The following KLHL1 variants were observed in gnomAD, a reference collection of about 807,000 sequenced individuals.
KLHL1 encodes kelch like family member 1.
KLHL1 carries 47 observed loss-of-function variants against 77.7 expected under a neutral mutation model. The ratio of observed to expected loss-of-function variants is 0.60; its 90% CI spans 0.48 to 0.77. KLHL1 has a LOEUF of 0.77. KLHL1 is among the 30% of genes least tolerant of loss of function. The probability of loss-of-function intolerance (pLI) is 0.00; values close to 1 mark genes in which losing one functional copy is unlikely to be tolerated. For synonymous variants in KLHL1, 360 were observed against 325.2 expected, an observed-to-expected ratio of 1.11 and a Z score of -1.15; for missense variants, 925 against 910.8, an observed-to-expected ratio of 1.02 and a Z score of -0.20.
intron 1 of KLHL1, 77 bp from the exon 2 acceptor site, chr13:69,975,879 T>C: frequency 7.1e-7 from 1 of 1,412,348 alleles, no homozygotes; most frequent in Non-Finnish European, 9.2e-7. Flanking sequence ...TAGAATAACA[T>C]ACAGGTTTTT....
chr13:69,885,200 A>T (rs989202442), intron 4 of KLHL1, among the ~76,000 whole-genome samples: 3 of 151,188 alleles, frequency 2.0e-5, no homozygotes, highest in African/African-American at 7.3e-5. Flanking sequence ...TCGGCCTCCC[A>T]AAGTGCTGGG....
chr13:69,839,683 T>G (rs1879165275), intron 5 of KLHL1, among the ~76,000 whole-genome samples: 1 of 151,982 alleles, frequency 6.6e-6, no homozygotes, highest in African/African-American at 2.4e-5. Flanking sequence ...ATATAAGGAA[T>G]TTAAAAGTTG....
At chr13:70,087,908 G>A (rs1397205160) in intron 1 of KLHL1, among the ~76,000 whole-genome samples, 1 of 151,998 alleles carries the variant, frequency 6.6e-6, no homozygotes, top group Non-Finnish European at 1.5e-5. Context: ...CACACACTGG[G>A]GCCTGTTGGG....
chr13:69,993,823 G>C (rs1031673948), intron 1 of KLHL1, among the ~76,000 whole-genome samples: 1 of 152,022 alleles, frequency 6.6e-6, no homozygotes, highest in African/African-American at 2.4e-5. Flanking sequence ...TCCAATTTGA[G>C]TGTTTGGTAC....
intron 1 of KLHL1, among the ~76,000 whole-genome samples, chr13:70,054,307 TTAAA>T (rs1475799786): frequency 2.0e-5 from 3 of 152,182 alleles, no homozygotes; most frequent in Middle Eastern, 3.4e-3. Context: ...TTTTTACAGA[TTAAA>T]TAAAGCCATC....
chr13:69,903,024 C>T (rs1000186127), intron 4 of KLHL1, among the ~76,000 whole-genome samples: 1 of 151,956 alleles, frequency 6.6e-6, no homozygotes, highest in African/African-American at 2.4e-5. Flanking sequence ...ATTTTAAAAG[C>T]AACAAGTCTT....
At chr13:69,956,810 CA>C (rs1883903061) in intron 3 of KLHL1, among the ~76,000 whole-genome samples, 2 of 151,622 alleles carry the variant, frequency 1.3e-5, no homozygotes, top group Admixed American at 1.3e-4. Flanking sequence ...GAAGATTTTA[CA>C]AATGCTTATT....
chr13:69,892,915 T>A (rs1881480104), intron 4 of KLHL1, among the ~76,000 whole-genome samples: 1 of 152,230 alleles, frequency 6.6e-6, no homozygotes, highest in Non-Finnish European at 1.5e-5. Context: ...TGTAAAATTT[T>A]AATTATGATT....
intron 2 of KLHL1, among the ~76,000 whole-genome samples, chr13:69,966,270 T>C (rs1884208300): frequency 6.6e-6 from 1 of 152,120 alleles, no homozygotes; most frequent in African/African-American, 2.4e-5. Flanking sequence ...AATGCACCAG[T>C]GAGTTTAAAT....
chr13:69,918,819 T>C (rs2138259716), intron 4 of KLHL1, among the ~76,000 whole-genome samples: 1 of 152,256 alleles, frequency 6.6e-6, no homozygotes, highest in African/African-American at 2.4e-5. Flanking sequence ...TAGTGTGTCC[T>C]TTCTCTAGTC....
intron 5 of KLHL1, among the ~76,000 whole-genome samples, chr13:69,850,012 A>T (rs1879620962): frequency 6.6e-6 from 1 of 151,556 alleles, no homozygotes; most frequent in Admixed American, 6.6e-5. Context: ...CTATATTACT[A>T]AATGATTTAT....
In KLHL1 at chr13:70,035,944, T is replaced by C. The variant is rs574557586; in HGVS notation, c.498-60142A>G. Among the ~76,000 whole-genome samples the C allele has an allele frequency of 1.8e-3, 273 of 152,202 alleles. 3 individuals carry two copies. Among genetic ancestry groups the C allele is most frequent in the African/African-American group, 6.4e-3 (266 of 41,578 alleles). ...TGAAGGATTTAATTTTACAATATCA[T>C]TGCTTTAGCAATTATGTAATACATT... On this transcript the variant is annotated intron_variant, in intron 1 of 10. Coordinates refer to ENST00000377844, the MANE Select transcript of KLHL1 (RefSeq NM_020866.3).
intron 5 of KLHL1, among the ~76,000 whole-genome samples, chr13:69,841,142 A>C (rs1879246091): frequency 6.6e-6 from 1 of 150,446 alleles, no homozygotes; most frequent in South Asian, 2.1e-4. Context: ...ACAAATAAAA[A>C]ATAAAAATCT....
At chr13:69,869,820 G>C (rs777292199) in intron 5 of KLHL1, among the ~76,000 whole-genome samples, 8 of 152,230 alleles carry the variant, frequency 5.3e-5, no homozygotes, top group South Asian at 2.1e-4. Flanking sequence ...TTAAATTACA[G>C]AAGTTGTAAA....
At chr13:69,950,387 C>G (rs1485310039) in intron 3 of KLHL1, among the ~76,000 whole-genome samples, 1 of 151,598 alleles carries the variant, frequency 6.6e-6, no homozygotes, top group Admixed American at 6.6e-5. Context: ...CACATCGATG[C>G]ACAGGTGTTA....
intron 5 of KLHL1, among the ~76,000 whole-genome samples, chr13:69,863,722 G>A (rs535633750): frequency 6.6e-6 from 1 of 152,042 alleles, no homozygotes; most frequent in South Asian, 2.1e-4. Flanking sequence ...ATTGGATGAT[G>A]CAAAAAACAG....
At chr13:69,772,510 A>G (rs1298804369) in intron 7 of KLHL1, among the ~76,000 whole-genome samples, 1 of 152,164 alleles carries the variant, frequency 6.6e-6, no homozygotes, top group African/African-American at 2.4e-5. Context: ...AAACAAATTA[A>G]GGCTGTTTAT....
At chr13:69,867,754 A>C (rs929748562) in intron 5 of KLHL1, among the ~76,000 whole-genome samples, 2 of 151,206 alleles carry the variant, frequency 1.3e-5, no homozygotes, top group African/African-American at 4.9e-5. Flanking sequence ...TTCATTTATA[A>C]TAAAGAAAAA....
At chr13:69,939,322 T>TATATATACATATACATAC in intron 4 of KLHL1, among the ~76,000 whole-genome samples, 1 of 118,734 alleles carries the variant, frequency 8.4e-6, no homozygotes, top group Non-Finnish European at 1.7e-5. Context: ...TACACACTCA[T>TATATATACATATACATAC]ATATATACAT....
Sources: gnomAD v4.1 joint callset for allele counts (sites outside exome capture counted in the v4.1 genomes callset) on GRCh38, gnomAD v4.1.1 for gene constraint, MANE v1.5 for transcripts, NCBI Gene and HGNC (gene_info 2026-07-23, HGNC 2026-07-21) for gene names.